Variants in ATG7 observed in about 807,000 individuals in gnomAD.
The protein encoded by ATG7 is ubiquitin-like modifier-activating enzyme ATG7.
Under a neutral mutation model 82.4 loss-of-function variants are expected in ATG7, and 70 were observed. The observed-to-expected ratio is 0.85, with a 90% CI of 0.70 to 1.04. ATG7 has a LOEUF of 1.04. Ranked by LOEUF, ATG7 falls within the 50% of genes least tolerant of loss-of-function variation. The pLI is 0.00. For missense variants in ATG7, 792 were observed against 864.3 expected, an observed-to-expected ratio of 0.92 and a Z score of 1.05; for synonymous variants, 287 against 313.0, an observed-to-expected ratio of 0.92 and a Z score of 0.88.
chr3:11,429,473 G>C (rs2082668632), intron 20 of ATG7, among the ~76,000 whole-genome samples: 1 of 151,972 alleles, frequency 6.6e-6, no homozygotes, highest in African/African-American at 2.4e-5. Flanking sequence ...TCCAGCCTGG[G>C]CGACAGAGCG....
At chr3:11,362,789 A>T in intron 16 of ATG7, 24 bp from the exon 17 acceptor site, 1 of 1,605,586 alleles carries the variant, frequency 6.2e-7, no homozygotes, top group Non-Finnish European at 8.5e-7. Context: ...CGTTCTGCAC[A>T]CACCAATGAT....
At chr3:11,558,687 T>C, downstream of ATG7, 2 of 1,613,888 alleles carry the variant, frequency 1.2e-6, no homozygotes, top group Non-Finnish European at 1.7e-6. Context: ...TGGAGCCACG[T>C]GTCACCCAGA....
At chr3:11,553,358 C>T (rs1221313875) in intron 20 of ATG7, among the ~76,000 whole-genome samples, 1 of 152,086 alleles carries the variant, frequency 6.6e-6, no homozygotes, top group Non-Finnish European at 1.5e-5. Flanking sequence ...GCGTGTGGCA[C>T]AGAGCTGGCT....
rs193153540 is a variant in ATG7 at position 11,362,089 on chromosome 3, T to C, written c.1684-724T>C. On this transcript the variant is annotated intron_variant, in intron 16 of 20. Transcript: ENST00000693202. The stretch of plus-strand genomic sequence containing the variant: ...ATAATATATAGCTGGTCTTGTTATT[T>C]AGTGATTGTCAACAAATACGATTAG... 4.5e-4 allele frequency among the ~76,000 whole-genome samples: 68 copies of C among 152,324 alleles called. No homozygotes were observed. In the East Asian group the frequency reaches 7.9e-3, roughly 18 times the overall value.
At chr3:11,532,285 C>T in intron 20 of ATG7, among the ~76,000 whole-genome samples, 1 of 152,298 alleles carries the variant, frequency 6.6e-6, no homozygotes. Flanking sequence ...TCTCAAGGAG[C>T]CGGCACACAT....
intron 19 of ATG7, among the ~76,000 whole-genome samples, chr3:11,416,356 G>GT (rs2081372447): frequency 1.3e-5 from 2 of 152,074 alleles, no homozygotes; most frequent in African/African-American, 4.8e-5. Context: ...ATTTGGGAAG[G>GT]TTATTAATTA....
At chr3:11,508,955 A>G (rs779452576) in intron 20 of ATG7, among the ~76,000 whole-genome samples, 25 of 152,354 alleles carry the variant, frequency 1.6e-4, no homozygotes, top group Non-Finnish European at 2.9e-4. Context: ...CCAATATTCT[A>G]TGTGCAAGAG....
chr3:11,302,961 C>T (rs1947023417), intron 5 of ATG7, among the ~76,000 whole-genome samples: 1 of 152,148 alleles, frequency 6.6e-6, no homozygotes, highest in Admixed American at 6.5e-5. Flanking sequence ...TGGATCAGAC[C>T]CAAAAATGTA....
chr3:11,518,745 G>A (rs1408946055), intron 20 of ATG7, among the ~76,000 whole-genome samples: 1 of 152,080 alleles, frequency 6.6e-6, no homozygotes, highest in Non-Finnish European at 1.5e-5. Flanking sequence ...TCAGGATTGT[G>A]GAAGCATAGG....
intron 13 of ATG7, chr3:11,346,530 G>C (rs1559441109): frequency 6.6e-6 from 1 of 152,128 alleles, no homozygotes; most frequent in Non-Finnish European, 1.5e-5. Context: ...TTGCAGATTA[G>C]CCATTTAAAC....
chr3:11,574,785 ATGTGTGTGTGTGTGTG>A, the ATG7 span, among the ~76,000 whole-genome samples: 4,767 of 121,778 alleles, frequency 0.039, 249 homozygotes, highest in African/African-American at 0.13. Context: ...TCAACTATAT[ATGTGTGTGTGTGTGTG>A]TGTGTGTGTG....
Position 11,540,844 on chromosome 3 carries a change from A to G in ATG7, c.2080-13967A>G, listed in dbSNP as rs1437043077. The stretch of plus-strand genomic sequence containing the variant: ...TTAGTGTCCTAAGAAATCTTTGCCT[A>G]TGTCCAAAGTCTTACTGATTTTTCT... On this transcript the variant is annotated intron_variant, in intron 20 of 20. Coordinates refer to ENST00000693202, the MANE Select transcript of ATG7 (RefSeq NM_001349232.2). Among the ~76,000 whole-genome samples, 5 of 137,736 alleles carry G rather than the reference A, an allele frequency of 3.6e-5. No individual in the cohort carries two copies. In the Admixed American group the frequency reaches 4.2e-4, roughly 11 times the overall value. The allele number at this position is 137,736 out of a possible 152,430, so 90.4% of individuals were successfully genotyped here. A position where few individuals can be genotyped will look rare whatever the true frequency, so the allele number is the denominator to read the frequency against.
At chr3:11,414,579 G>C (rs938516491) in intron 19 of ATG7, among the ~76,000 whole-genome samples, 11 of 152,074 alleles carry the variant, frequency 7.2e-5, no homozygotes, top group Non-Finnish European at 1.3e-4. Flanking sequence ...CTTCTATTAT[G>C]ATGTTGAAAA....
At chr3:11,513,540 C>A (rs984288186) in intron 20 of ATG7, among the ~76,000 whole-genome samples, 1 of 152,218 alleles carries the variant, frequency 6.6e-6, no homozygotes, top group Non-Finnish European at 1.5e-5. Context: ...GCTCCCAGTG[C>A]GGGGCCTGCC....
chr3:11,389,437 CTTTTTTTT>C (rs34261811), intron 19 of ATG7, among the ~76,000 whole-genome samples: 1 of 118,934 alleles, frequency 8.4e-6, no homozygotes. Flanking sequence ...TTTGTTAGTG[CTTTTTTTT>C]TTTTTTTTTT....
chr3:11,523,025 G>A (rs1226843707), intron 20 of ATG7, among the ~76,000 whole-genome samples: 3 of 152,094 alleles, frequency 2.0e-5, no homozygotes, highest in Non-Finnish European at 4.4e-5. Flanking sequence ...CAGAGGTGCC[G>A]ATGAAATAGC....
intron 20 of ATG7, among the ~76,000 whole-genome samples, chr3:11,493,627 C>G (rs1269876277): frequency 1.3e-5 from 2 of 152,136 alleles, no homozygotes; most frequent in African/African-American, 4.8e-5. Context: ...GTAGTAAAAT[C>G]AGGATCAGAG....
intron 20 of ATG7, among the ~76,000 whole-genome samples, chr3:11,497,804 TATAATA>T (rs1466801075): frequency 6.6e-6 from 1 of 152,078 alleles, no homozygotes. Context: ...TCACTGCTAT[TATAATA>T]ATAATAGTTT....
At chr3:11,488,465 C>G in intron 20 of ATG7, 1 of 1,291,500 alleles carries the variant, frequency 7.7e-7, no homozygotes, top group Non-Finnish European at 9.9e-7. Context: ...GGCAGCGGCT[C>G]CGCTTCATAT....
Sources: gnomAD v4.1 joint callset for allele counts (sites outside exome capture counted in the v4.1 genomes callset) on GRCh38, gnomAD v4.1.1 for gene constraint, MANE v1.5 for transcripts, NCBI Gene and HGNC (gene_info 2026-07-23, HGNC 2026-07-21) for gene names.